KIAA0408: variants seen among roughly 807,000 people sequenced by gnomAD.
KIAA0408 encodes KIAA0408.
A neutral mutation model predicts 60.9 loss-of-function variants in KIAA0408; 51 were observed. That is an observed-to-expected ratio of 0.84 (90% confidence interval 0.67 to 1.06). The LOEUF (loss-of-function observed/expected upper bound fraction) is 1.06, where lower values mean the gene tolerates loss of function less well. Among genes scored for constraint, KIAA0408 ranks in the 50% least tolerant of loss-of-function variants. The pLI is 0.00. For synonymous variants in KIAA0408, 304 were observed against 282.4 expected (o/e 1.08, Z -0.77); for missense variants, 787 against 833.9 (o/e 0.94, Z 0.69).
chr6:127,454,522 T>C (rs1330651901), intron 1 of KIAA0408, among the ~76,000 whole-genome samples: 1 of 152,150 alleles, frequency 6.6e-6, no homozygotes, highest in Non-Finnish European at 1.5e-5. Flanking sequence ...TTCTTATGAC[T>C]TAAATTCCTG....
intron 2 of KIAA0408, among the ~76,000 whole-genome samples, chr6:127,453,645 A>C (rs1286754875): frequency 6.6e-6 from 1 of 152,106 alleles, no homozygotes; most frequent in Non-Finnish European, 1.5e-5. Flanking sequence ...TCAAATGCTT[A>C]ATTTTCATGC....
intron 4 of KIAA0408, among the ~76,000 whole-genome samples, chr6:127,448,975 T>G (rs561139971): frequency 1.8e-4 from 27 of 152,292 alleles, no homozygotes; most frequent in African/African-American, 5.5e-4. Context: ...GAAACAGCAT[T>G]TTTTGTGGCA....
rs771492160 is a variant in KIAA0408, at chr6:127,447,057, G to T, written c.1262C>A (p.Pro421Gln). ...AAAGCCACAACTGAAATTTCTAAGT[G>T]GGCTACTGCTCTCTGCTACTGAGGA... ...CSSSVAESSS[P>Q]LRNFSCGFER... is the part of the protein sequence containing the mutation. Residue 421 changes from proline (P) to glutamine (Q), a missense_variant, in exon 5 of 6, where the codon CCA becomes CAA. Around this residue, in one of 3 missense-constraint regions of KIAA0408, gnomAD observed 640 missense variants for 681.3 expected, o/e 0.94. Coordinates refer to ENST00000483725, the MANE Select transcript of KIAA0408 (RefSeq NM_014702.5). 6.2e-7 allele frequency: 1 copy of T among 1,613,352 alleles called. No individual in the cohort carries two copies. The highest frequency in any genetic ancestry group is 8.5e-7 in the Non-Finnish European group (1 of 1,179,800).
chr6:127,450,080 C>T lies in KIAA0408; in HGVS notation c.408G>A (p.Leu136=). Reference sequence around the variant, plus strand: ...CACATTCCTTTTGGTTGTCTGTAGCCAAAGGATCCAAAAACCCTACTTTTG... The same window carrying T: ...CACATTCCTTTTGGTTGTCTGTAGCTAAAGGATCCAAAAACCCTACTTTTG... ...KKSKVGFLDP[L]ATDNQKECEA... Residue 136 remains leucine, a synonymous_variant, in exon 3 of 6, where the codon TTG becomes TTA. Coordinates refer to ENST00000483725, the MANE Select transcript of KIAA0408 (RefSeq NM_014702.5). The T allele has an allele frequency of 6.2e-7, 1 of 1,614,108 alleles. No individual in the cohort carries two copies. Among genetic ancestry groups the T allele is most frequent in the Non-Finnish European group, 8.5e-7 (1 of 1,179,990 alleles).
At position 127,439,169 on chromosome 6, in the gene KIAA0408, C is replaced by A; in HGVS notation, c.*4940G>T. On this transcript the variant is annotated 3_prime_UTR_variant, in exon 6 of 6. Transcript: ENST00000483725. ...AACTGTAGAGAAATAAATTTCTGTT[C>A]TTTATAAATAACCCAGTCTCAAGTG... The A allele has an allele frequency of 6.3e-6, 1 of 158,710 alleles. No individual in the cohort carries two copies. The highest frequency in any genetic ancestry group is 1.9e-4 in the South Asian group (1 of 5,252). The allele number at this position is 158,710 out of a possible 1,614,324, so 9.8% of individuals were successfully genotyped here. A position where few individuals can be genotyped will look rare whatever the true frequency, so the allele number is the denominator to read the frequency against.
chr6:127,452,283 T>TGG (rs1773315031), intron 2 of KIAA0408, among the ~76,000 whole-genome samples: 1 of 152,160 alleles, frequency 6.6e-6, no homozygotes, highest in South Asian at 2.1e-4. Flanking sequence ...TTTATGCTTG[T>TGG]GGCATGAGAT....
rs780909908 is a variant in KIAA0408 at position 127,444,078 on chromosome 6, C to T, written c.*31G>A. The T allele has an allele frequency of 1.8e-5, 29 of 1,608,372 alleles. No homozygotes were observed. In the South Asian group the frequency reaches 3.0e-4, roughly 16 times the overall value. On this transcript the variant is annotated 3_prime_UTR_variant, in exon 6 of 6. Transcript: ENST00000483725. ...CTCTGTTTGACAAGTGGGACTAGAA[C>T]TTCTGTAATATAGCAATCCAGGCCA...
rs903881763 is a variant in KIAA0408 at position 127,443,026 on chromosome 6, G to T, written c.*1083C>A. ...GCAAACTGTGAGAAGTATAATTTCA[G>T]CTTTCAAAGAAATATTATTCCTGAT... On this transcript the variant is annotated 3_prime_UTR_variant, in exon 6 of 6. Coordinates refer to ENST00000483725, the MANE Select transcript of KIAA0408 (RefSeq NM_014702.5). The T allele has an allele frequency of 1.5e-4, 23 of 151,968 alleles. No individual in the cohort carries two copies. Among genetic ancestry groups the T allele is most frequent in the African/African-American group, 4.6e-4 (19 of 41,378 alleles). The allele number at this position is 151,968 out of a possible 1,614,324, so 9.4% of individuals were successfully genotyped here. A position where few individuals can be genotyped will look rare whatever the true frequency, so the allele number is the denominator to read the frequency against.
intron 1 of KIAA0408, among the ~76,000 whole-genome samples, chr6:127,458,656 G>T (rs987960021): frequency 4.6e-5 from 7 of 152,124 alleles, no homozygotes; most frequent in African/African-American, 1.7e-4. Context: ...ATTCAATTAT[G>T]AATGGCATAG....
chr6:127,446,480 C>T lies in KIAA0408; in HGVS notation c.1839G>A (p.Gln613=), dbSNP rs1773196493. 1 of 1,613,998 alleles carries T rather than the reference C, an allele frequency of 6.2e-7. No homozygotes were observed. The highest frequency in any genetic ancestry group is 8.5e-7 in the Non-Finnish European group (1 of 1,180,012). ...QHLEMLQMEQ[Q]FQQKTAVWGG... ...CCCACACAGCTGTCTTTTGCTGAAA[C>T]TGTTGTTCCATTTGGAGCATTTCTA... Residue 613 remains glutamine (Q), a synonymous_variant, in exon 5 of 6, where the codon CAG becomes CAA. Coordinates refer to ENST00000483725, the MANE Select transcript of KIAA0408 (RefSeq NM_014702.5).
chr6:127,451,132 C>T (rs1174855871), intron 2 of KIAA0408: 2 of 360,818 alleles, frequency 5.5e-6, no homozygotes, highest in Admixed American at 7.0e-5. Flanking sequence ...TCTCTTTAGG[C>T]TTGGGTCATG....
In KIAA0408 at chr6:127,443,894, G is replaced by A. The variant is rs1773143448; in HGVS notation, c.*215C>T. The A allele has an allele frequency of 3.8e-6, 2 of 530,072 alleles. No homozygotes were observed. Among genetic ancestry groups the A allele is most frequent in the Non-Finnish European group, 6.7e-6 (2 of 299,290 alleles). 32.8% of individuals were successfully genotyped at this position (530,072 alleles called of 1,614,324 possible). A position where few individuals can be genotyped will look rare whatever the true frequency, so the allele number is the denominator to read the frequency against. On this transcript the variant is annotated 3_prime_UTR_variant, in exon 6 of 6. Transcript: ENST00000483725. ...ACATTGTTTCAACTTATATTGTATTGGAAAACTAATGAGGATGGCATTAAA... is the reference window on the plus strand; with the variant it reads ...ACATTGTTTCAACTTATATTGTATTAGAAAACTAATGAGGATGGCATTAAA...
At chr6:127,449,771 C>A (rs1773266752) in intron 4 of KIAA0408, 51 bp downstream of exon 4, 3 of 1,607,562 alleles carry the variant, frequency 1.9e-6, no homozygotes, top group Non-Finnish European at 2.5e-6. Context: ...TAACTAAAAA[C>A]AATATTATTT....
At position 127,453,991 on chromosome 6, in the gene KIAA0408, G is replaced by C; in HGVS notation, c.-10C>G. 5 of 1,606,538 alleles carry C rather than the reference G, an allele frequency of 3.1e-6. No homozygotes were observed. The highest frequency in any genetic ancestry group is 4.3e-6 in the Non-Finnish European group (5 of 1,176,420). On this transcript the variant is annotated 5_prime_UTR_variant, in exon 2 of 6. Coordinates refer to ENST00000483725, the MANE Select transcript of KIAA0408 (RefSeq NM_014702.5). ...GCTTATGTAGGTCCATGGCAACAGT[G>C]TAAGTGTCAGCAAAGAAGTGTTTCT...
At chr6:127,458,336 A>G (rs139315340) in intron 1 of KIAA0408, among the ~76,000 whole-genome samples, 16 of 152,342 alleles carry the variant, frequency 1.1e-4, no homozygotes, top group Admixed American at 6.5e-4. Context: ...TTGTTAGAGT[A>G]AAAGGGAAAT....
Position 127,446,738 on chromosome 6 carries a change from G to C in KIAA0408, c.1581C>G (p.His527Gln). 1 of 1,613,920 alleles carries C rather than the reference G, an allele frequency of 6.2e-7. No individual in the cohort carries two copies. Among genetic ancestry groups the C allele is most frequent in the East Asian group, 2.2e-5 (1 of 44,876 alleles). The change falls in exon 5 of 6, where the codon CAC becomes CAG. Residue 527 changes from histidine to glutamine, a missense_variant. His to Gln is a conservative substitution (Grantham distance 24). Around this residue, in one of 3 missense-constraint regions of KIAA0408, gnomAD observed 640 missense variants for 681.3 expected, o/e 0.94. Transcript: ENST00000483725. Reference sequence around the variant, plus strand: ...TATTTCGATAACTGCGAGGACTTAGGTGTCCCTGCATTTGTCTTACTAGGC... The same window carrying C: ...TATTTCGATAACTGCGAGGACTTAGCTGTCCCTGCATTTGTCTTACTAGGC... The part of the protein sequence containing the change: ...TTGLVRQMQG[H>Q]LSPRSYRNML...
chr6:127,444,348 G>A, intron 5 of KIAA0408, 66 bp from the exon 6 acceptor site: 1 of 1,237,322 alleles, frequency 8.1e-7, no homozygotes, highest in Non-Finnish European at 1.1e-6. Flanking sequence ...ATATATGATG[G>A]GTCTCAACTA....
Position 127,447,100 on chromosome 6 carries a change from C to CA in KIAA0408, c.1218dup (p.Val407CysfsTer3), listed in dbSNP as rs762881412. 7 of 1,613,818 alleles carry CA rather than the reference C, an allele frequency of 4.3e-6. No homozygotes were observed. The African/African-American group carries it at 6.7e-5, about 15-fold the overall frequency. On this transcript the variant is annotated frameshift_variant, in exon 5 of 6. Coordinates refer to ENST00000483725, the MANE Select transcript of KIAA0408 (RefSeq NM_014702.5). LOFTEE classifies it high-confidence loss of function. ...ACTGAGGAGCTACAGTCATTACTTA[C>CA]ATGAAGATCAGGATGAGATTTAGCA... is the stretch of plus-strand genomic sequence containing the variant.
rs1417521937 is a variant in KIAA0408, at chr6:127,450,296, G to T, written c.192C>A (p.Ile64=). ...RKININESAK[I]IDLYHEKTIP... ...TGGTCTTCTCATGGTAAAGATCAAT[G>T]ATCTTAGCACTTTCATTGATATTGA... is the stretch of plus-strand genomic sequence containing the variant. Residue 64 remains isoleucine (I), a synonymous_variant, in exon 3 of 6, where the codon ATC becomes ATA. Coordinates refer to ENST00000483725, the MANE Select transcript of KIAA0408 (RefSeq NM_014702.5). 3 of 1,613,336 alleles carry T rather than the reference G, an allele frequency of 1.9e-6. No individual in the cohort carries two copies. Among genetic ancestry groups the T allele is most frequent in the Non-Finnish European group, 1.7e-6 (2 of 1,179,902 alleles).
Sources: allele counts gnomAD v4.1 joint callset (sites outside exome capture counted in the v4.1 genomes callset), GRCh38; gene constraint gnomAD v4.1.1; regional missense constraint gnomAD v4.1.1; transcripts MANE v1.5; gene names NCBI Gene and HGNC (gene_info 2026-07-23, HGNC 2026-07-21).